The following TBC1D31 variants were observed in gnomAD, a reference collection of about 807,000 sequenced individuals.
The protein encoded by TBC1D31 is WD repeat domain 67.
TBC1D31 carries 99 observed loss-of-function variants against 132.9 expected under a neutral mutation model. That is an observed-to-expected ratio of 0.74 (90% CI 0.63 to 0.88). The LOEUF (loss-of-function observed/expected upper bound fraction) is 0.88. Among genes scored for constraint, TBC1D31 ranks in the 40% least tolerant of loss-of-function variants. The pLI is 0.00. For synonymous variants in TBC1D31, 385 were observed against 419.4 expected, an observed-to-expected ratio of 0.92 and a Z score of 1.00; for missense variants, 1,134 against 1,256.6, an observed-to-expected ratio of 0.90 and a Z score of 1.48.
chr8:123,093,008 C>T (rs1816490611), intron 4 of TBC1D31, among the ~76,000 whole-genome samples: 2 of 151,952 alleles, frequency 1.3e-5, no homozygotes, highest in Admixed American at 1.3e-4. Context: ...GACGAGGTTT[C>T]ACCTTGTTGG....
At chr8:123,075,732 T>C (rs1814442992) in intron 1 of TBC1D31, among the ~76,000 whole-genome samples, 1 of 151,834 alleles carries the variant, frequency 6.6e-6, no homozygotes, top group South Asian at 2.1e-4. Flanking sequence ...AATCCAAAAA[T>C]TTATGAAAAA....
At chr8:123,111,866 T>C (rs1311428946) in intron 10 of TBC1D31, among the ~76,000 whole-genome samples, 1 of 152,182 alleles carries the variant, frequency 6.6e-6, no homozygotes, top group Non-Finnish European at 1.5e-5. Flanking sequence ...TTTGTTTTTG[T>C]TTTTTGAGAC....
At chr8:123,129,552 A>T (rs987961850) in intron 15 of TBC1D31, among the ~76,000 whole-genome samples, 1 of 152,238 alleles carries the variant, frequency 6.6e-6, no homozygotes, top group African/African-American at 2.4e-5. Context: ...CCTTTAGTAG[A>T]GTATAATTTT....
chr8:123,109,817 CTT>C (rs771679610), intron 10 of TBC1D31, among the ~76,000 whole-genome samples, 197 bp downstream of exon 10: 11 of 152,192 alleles, frequency 7.2e-5, no homozygotes, highest in Admixed American at 1.3e-4. Flanking sequence ...AAATAGGACT[CTT>C]TCAGTTAATC....
chr8:123,101,231 G>A, intron 7 of TBC1D31: 2 of 443,716 alleles, frequency 4.5e-6, no homozygotes. Context: ...TCCGTTTGAT[G>A]TCTCTCATTT....
At chr8:123,132,626 C>CTGAT (rs1427389786) in intron 16 of TBC1D31, among the ~76,000 whole-genome samples, 3 of 151,894 alleles carry the variant, frequency 2.0e-5, no homozygotes, top group African/African-American at 7.3e-5. Flanking sequence ...GTTGGTCAGG[C>CTGAT]TGATCTTCAA....
rs1389706652 is a variant in TBC1D31, at chr8:123,082,831, C to G, written c.340+14C>G. 2 of 1,560,236 alleles carry G rather than the reference C, an allele frequency of 1.3e-6. No homozygotes were observed. The highest frequency in any genetic ancestry group is 1.8e-6 in the Non-Finnish European group (2 of 1,134,434). On this transcript the variant is annotated intron_variant, in intron 3 of 21. Transcript: ENST00000287380. ...GTTTTGATACAGGTAAGAAGTTCTC[C>G]TATTTTTCTTTTGAAGCAGAGTAAA...
intron 3 of TBC1D31, 64 bp downstream of exon 3, chr8:123,082,881 C>T (rs560194025): frequency 2.7e-6 from 3 of 1,126,084 alleles, no homozygotes; most frequent in African/African-American, 3.1e-5. Flanking sequence ...ACTGCAAGAA[C>T]TTTATCACTC....
intron 2 of TBC1D31, among the ~76,000 whole-genome samples, chr8:123,079,364 T>G (rs943244619): frequency 6.6e-5 from 10 of 152,234 alleles, no homozygotes; most frequent in African/African-American, 2.4e-4. Context: ...AACTTGATCT[T>G]GGTAACTTAA....
At chr8:123,084,476 T>C in intron 4 of TBC1D31, 136 bp downstream of exon 4, 1 of 801,406 alleles carries the variant, frequency 1.2e-6, no homozygotes, top group Non-Finnish European at 2.0e-6. Context: ...CAAAGCAAAG[T>C]GGCCAACACA....
At chr8:123,081,680 A>T (rs565470999) in intron 2 of TBC1D31, among the ~76,000 whole-genome samples, 145 of 152,356 alleles carry the variant, frequency 9.5e-4, no homozygotes, top group African/African-American at 3.1e-3. Flanking sequence ...TCTCTGTTCC[A>T]TGTAGCTGGG....
At chr8:123,153,389 A>C (rs1169296938), downstream of TBC1D31, among the ~76,000 whole-genome samples, 1 of 152,204 alleles carries the variant, frequency 6.6e-6, no homozygotes, top group African/African-American at 2.4e-5. Context: ...ATACGCATAC[A>C]AAACCCTCTT....
At chr8:123,156,890 C>G (rs1294329143), downstream of TBC1D31, among the ~76,000 whole-genome samples, 1 of 152,218 alleles carries the variant, frequency 6.6e-6, no homozygotes, top group African/African-American at 2.4e-5. Flanking sequence ...CTCGCAGCGC[C>G]GTCCTGGACT....
chr8:123,121,470 G>A (rs776038997), intron 11 of TBC1D31, among the ~76,000 whole-genome samples: 7 of 152,150 alleles, frequency 4.6e-5, no homozygotes, highest in Non-Finnish European at 1.0e-4. Context: ...CTAGTGGGAG[G>A]TATTGGACCA....
In TBC1D31 at chr8:123,148,259, G is replaced by A. The variant is rs557329286; in HGVS notation, c.2975-1777G>A. Among the ~76,000 whole-genome samples the A allele has an allele frequency of 1.1e-4, 16 of 152,280 alleles. No homozygotes were observed. In the South Asian group the frequency reaches 3.3e-3, roughly 32 times the overall value. On this transcript the variant is annotated intron_variant, in intron 20 of 21. Transcript: ENST00000287380. ...CAGTAGCTCTAGGGTAGAAACTAGG[G>A]AGCTAGATTTTTGTTTTAAAGTTTC...
the TBC1D31 span, among the ~76,000 whole-genome samples, chr8:123,162,704 C>T: frequency 5.3e-5 from 8 of 152,236 alleles, no homozygotes; most frequent in South Asian, 2.1e-4. Context: ...TTCAATTGCA[C>T]GAATAATATG....
At chr8:123,143,843 T>G (rs1264664770) in intron 19 of TBC1D31, among the ~76,000 whole-genome samples, 2 of 152,194 alleles carry the variant, frequency 1.3e-5, no homozygotes, top group Non-Finnish European at 2.9e-5. Flanking sequence ...TGTGTGAAAT[T>G]CACTGCTGCT....
intron 20 of TBC1D31, among the ~76,000 whole-genome samples, chr8:123,148,345 T>C (rs1424144741): frequency 6.6e-6 from 1 of 152,176 alleles, no homozygotes; most frequent in Non-Finnish European, 1.5e-5. Context: ...TAATCATTAG[T>C]TGTTTGAACA....
chr8:123,078,288 T>TA (rs2129669122), intron 2 of TBC1D31, among the ~76,000 whole-genome samples: 1 of 152,206 alleles, frequency 6.6e-6, no homozygotes, highest in Non-Finnish European at 1.5e-5. Flanking sequence ...ATATTAGGGA[T>TA]AATGAGGGCC....
Sources: gnomAD v4.1 joint callset for allele counts (sites outside exome capture counted in the v4.1 genomes callset) on GRCh38, gnomAD v4.1.1 for gene constraint, MANE v1.5 for transcripts, NCBI Gene and HGNC (gene_info 2026-07-23, HGNC 2026-07-21) for gene names.